CACNA1I: variants seen among roughly 807,000 people sequenced by gnomAD.
CACNA1I encodes the protein calcium voltage-gated channel subunit alpha1 I, also known as voltage-dependent T-type calcium channel subunit alpha-1I.
In CACNA1I, 74 loss-of-function variants were observed where a neutral mutation model predicts 201.6. The ratio of observed to expected loss-of-function variants is 0.37; its 90% CI spans 0.30 to 0.45. The LOEUF is 0.45. Among genes scored for constraint, CACNA1I ranks in the 20% least tolerant of loss-of-function variants. The pLI, the probability that CACNA1I is intolerant of heterozygous loss-of-function variation, is 1.00. For synonymous variants in CACNA1I, 1,431 were observed against 1,345.2 expected (o/e 1.06, Z -1.40); for missense variants, 2,346 against 3,138.1 (o/e 0.75, Z 6.03).
In CACNA1I at chr22:39,626,247, C is replaced by A. The variant is rs577889828; in HGVS notation, c.580+6840C>A. 1.4e-4 allele frequency among the ~76,000 whole-genome samples: 21 copies of A among 152,372 alleles called. No homozygotes were observed. In the South Asian group the frequency reaches 2.9e-3, roughly 21 times the overall value. The stretch of plus-strand genomic sequence containing the variant: ...CAGCTCTCAAGAGAAGTTAATAATA[C>A]CCATGTCCATCTGGTTAGGAAGGCT... On this transcript the variant is annotated intron_variant, in intron 4 of 36. Transcript: ENST00000402142.
intron 4 of CACNA1I, among the ~76,000 whole-genome samples, chr22:39,633,024 T>C (rs1934107520): frequency 6.6e-6 from 1 of 151,362 alleles, no homozygotes; most frequent in Admixed American, 6.6e-5. Context: ...GCACACAGAG[T>C]TTGTGACGCA....
intron 4 of CACNA1I, among the ~76,000 whole-genome samples, chr22:39,620,012 TATCCATCC>T (rs564900279): frequency 3.4e-3 from 314 of 92,904 alleles, no homozygotes; most frequent in African/African-American, 0.012. Flanking sequence ...TCCACCTGTC[TATCCATCC>T]ATCCATCCAT....
intron 33 of CACNA1I, 101 bp downstream of exon 33, chr22:39,679,969 C>G (rs1338214815): frequency 8.0e-7 from 1 of 1,252,384 alleles, no homozygotes; most frequent in Non-Finnish European, 1.1e-6. Flanking sequence ...GCTGTAGAGA[C>G]CAGGCTGGGT....
rs370789077 is a variant in CACNA1I at position 39,643,042 on chromosome 22, G to A, written c.1149+153G>A. Among the ~76,000 whole-genome samples, 4 of 152,272 alleles carry A rather than the reference G, an allele frequency of 2.6e-5. No homozygotes were observed. In the East Asian group the frequency reaches 5.8e-4, roughly 22 times the overall value. On this transcript the variant is annotated intron_variant, in intron 7 of 36. Transcript: ENST00000402142. The stretch of plus-strand genomic sequence containing the variant: ...GGAAGGGCTGTTTCTCAGCACCACC[G>A]GGCAGCAGATGATTGAAGGGGCTCA...
rs1443992626 is a variant in CACNA1I, at chr22:39,591,848, C to T, written c.237-6303C>T. Among the ~76,000 whole-genome samples the T allele has an allele frequency of 4.6e-5, 7 of 152,390 alleles. No individual in the cohort carries two copies. In the East Asian group the frequency reaches 1.3e-3, roughly 29 times the overall value. ...GTGCTGGGATCACAGGCATAAGCCA[C>T]CGCGCTTGGCCATGCATGCTGTTTG... On this transcript the variant is annotated intron_variant, in intron 1 of 36. Transcript: ENST00000402142.
In CACNA1I at chr22:39,649,747, T is replaced by G. The variant is rs1276499081; in HGVS notation, c.1814T>G (p.Leu605Arg). Residue 605 changes from leucine (L) to arginine (R), a missense_variant, in exon 10 of 37, where the codon CTG becomes CGG. Transcript: ENST00000402142. This position sits in a 1 kb window ranked among gnomAD's most constrained non-coding sequence, Gnocchi z 7.3. Reference protein sequence around the residue: ...RSSEDGASSELGKEEEEEEQA... With the variant: ...RSSEDGASSERGKEEEEEEQA... Reference sequence around the variant, plus strand: ...AGCGAGGACGGAGCCTCCTCAGAACTGGGGAAGGAGGAGGAGGAGGAGGAG... The same window carrying G: ...AGCGAGGACGGAGCCTCCTCAGAACGGGGGAAGGAGGAGGAGGAGGAGGAG... 1 of 1,583,610 alleles carries G rather than the reference T, an allele frequency of 6.3e-7. No homozygotes were observed. The highest frequency in any genetic ancestry group is 8.6e-7 in the Non-Finnish European group (1 of 1,165,120).
intron 1 of CACNA1I, 134 bp from the exon 2 acceptor site, chr22:39,598,016 GC>G: frequency 3.1e-6 from 2 of 641,578 alleles, no homozygotes; most frequent in South Asian, 3.5e-5. Context: ...TTCAGGGATG[GC>G]ACCCAGAGGG....
intron 14 of CACNA1I, 135 bp from the exon 15 acceptor site, chr22:39,660,209 T>C: frequency 1.5e-6 from 1 of 649,652 alleles, no homozygotes; most frequent in Non-Finnish European, 2.7e-6. Context: ...TGTTAGCATC[T>C]CATTTCCCTT....
Position 39,685,758 on chromosome 22 carries a change from C to A in CACNA1I, c.6028-3C>A. 2 of 1,475,272 alleles carry A rather than the reference C, an allele frequency of 1.4e-6. No homozygotes were observed. The highest frequency in any genetic ancestry group is 2.3e-5 in the Admixed American group (1 of 43,792). The allele number at this position is 1,475,272 out of a possible 1,614,324, so 91.4% of individuals were successfully genotyped here. ...GGCCTCCACGGCTCCCACCTCCCCC[C>A]AGGCCACCGGGAGCGACACGTCGCT... is the stretch of plus-strand genomic sequence containing the variant. On this transcript the variant is annotated splice_region_variant and splice_polypyrimidine_tract_variant and intron_variant, in intron 36 of 36. Transcript: ENST00000402142. The surrounding 1 kb of genome is among the most constrained non-coding windows in gnomAD (Gnocchi z 5.0).
intron 4 of CACNA1I, among the ~76,000 whole-genome samples, chr22:39,623,166 A>T (rs1280154104): frequency 6.6e-6 from 1 of 151,636 alleles, no homozygotes; most frequent in Non-Finnish European, 1.5e-5. Flanking sequence ...CATCTGTGTG[A>T]GGGTGTGTGT....
At chr22:39,641,840 G>A (rs1234908425) in intron 6 of CACNA1I, among the ~76,000 whole-genome samples, 1 of 151,850 alleles carries the variant, frequency 6.6e-6, no homozygotes, top group Non-Finnish European at 1.5e-5. Flanking sequence ...GGCCAGTATT[G>A]CTTGGCCTCT....
At chr22:39,627,986 C>T (rs1292649161) in intron 4 of CACNA1I, among the ~76,000 whole-genome samples, 3 of 152,076 alleles carry the variant, frequency 2.0e-5, no homozygotes, top group East Asian at 3.9e-4. Context: ...ATCTGGCGAG[C>T]GCTGGATTTG....
intron 24 of CACNA1I, among the ~76,000 whole-genome samples, chr22:39,669,660 G>A (rs577048899): frequency 5.9e-5 from 9 of 151,304 alleles, no homozygotes; most frequent in Non-Finnish European, 1.2e-4. Context: ...GGGTGGATGA[G>A]TGGATGGATG....
At chr22:39,660,964 G>A in intron 15 of CACNA1I, 144 bp from the exon 16 acceptor site, 1 of 699,114 alleles carries the variant, frequency 1.4e-6, no homozygotes. Flanking sequence ...GGTGCAACCA[G>A]GAAGACTTCC....
intron 3 of CACNA1I, among the ~76,000 whole-genome samples, chr22:39,606,699 G>A (rs555245998): frequency 3.9e-5 from 6 of 152,186 alleles, no homozygotes; most frequent in African/African-American, 1.4e-4. Flanking sequence ...TGCCGGCTAA[G>A]TTTTGTATTT....
chr22:39,608,945 G>T lies in CACNA1I; in HGVS notation c.482+8292G>T, dbSNP rs186868015. 1.9e-3 allele frequency among the ~76,000 whole-genome samples: 283 copies of T among 152,328 alleles called. 2 individuals are homozygous for T. The highest frequency in any genetic ancestry group is 2.9e-3 in the Admixed American group (45 of 15,306). On this transcript the variant is annotated intron_variant, in intron 3 of 36. Transcript: ENST00000402142. ...GGGAAACAAAAAGCCACTAAGAATT[G>T]TTCCTCAGCTCTGGGCTAGGGCTTT...
At chr22:39,652,302 A>C (rs368545690) in intron 10 of CACNA1I, among the ~76,000 whole-genome samples, 4 of 152,188 alleles carry the variant, frequency 2.6e-5, no homozygotes, top group African/African-American at 4.8e-5. Flanking sequence ...AGCCAGGTGG[A>C]GCCTCTTCTG....
chr22:39,655,865 C>T (rs773095655), intron 10 of CACNA1I, among the ~76,000 whole-genome samples: 4 of 152,202 alleles, frequency 2.6e-5, no homozygotes, highest in East Asian at 1.9e-4. Context: ...GAGGAGGAGG[C>T]GCGGGGTGAC....
At position 39,664,726 on chromosome 22, in the gene CACNA1I, A is replaced by T; in HGVS notation, c.3667-13A>T. On this transcript the variant is annotated splice_polypyrimidine_tract_variant and intron_variant, in intron 20 of 36. Transcript: ENST00000402142. Reference sequence around the variant, plus strand: ...CCCGCGGCAGCCTGACCCCGGCCCCACCCCCGCCCCAGGTAGTCTCGCTGG... The same window carrying T: ...CCCGCGGCAGCCTGACCCCGGCCCCTCCCCCGCCCCAGGTAGTCTCGCTGG... 1 of 455,526 alleles carries T rather than the reference A, an allele frequency of 2.2e-6. No individual in the cohort carries two copies. Among genetic ancestry groups the T allele is most frequent in the Non-Finnish European group, 3.1e-6 (1 of 320,028 alleles). 28.2% of individuals were successfully genotyped at this position (455,526 alleles called of 1,614,324 possible). A position where few individuals can be genotyped will look rare whatever the true frequency, so the allele number is the denominator to read the frequency against.
Sources: allele counts gnomAD v4.1 joint callset (sites outside exome capture counted in the v4.1 genomes callset), GRCh38; gene constraint gnomAD v4.1.1; non-coding constraint Gnocchi (gnomAD v3.1); transcripts MANE v1.5; gene names NCBI Gene and HGNC (gene_info 2026-07-23, HGNC 2026-07-21).